Variants in NEURL1 observed in about 807,000 individuals in gnomAD.
NEURL1 encodes the protein neuralized E3 ubiquitin protein ligase 1.
In NEURL1, 26 loss-of-function variants were observed where a neutral mutation model predicts 41.2. That is an observed-to-expected ratio of 0.63 (90% CI 0.46 to 0.87). The LOEUF (loss-of-function observed/expected upper bound fraction) is 0.87. Ranked by LOEUF, NEURL1 falls within the 40% of genes least tolerant of loss-of-function variation. The pLI, the probability that NEURL1 is intolerant of heterozygous loss-of-function variation, is 0.00. For missense variants in NEURL1, 761 were observed against 871.1 expected (o/e 0.87, Z 1.59); for synonymous variants, 400 against 402.3 (o/e 0.99, Z 0.07).
chr10:103,547,677 G>T (rs966550725), intron 1 of NEURL1, among the ~76,000 whole-genome samples: 7 of 152,210 alleles, frequency 4.6e-5, no homozygotes, highest in Non-Finnish European at 1.0e-4. Context: ...GAGCCGTGGG[G>T]CTAAAGTTGT....
intron 1 of NEURL1, among the ~76,000 whole-genome samples, chr10:103,501,133 C>A (rs1185244575): frequency 6.6e-6 from 1 of 152,102 alleles, no homozygotes; most frequent in Non-Finnish European, 1.5e-5. Flanking sequence ...GTTAACAGGT[C>A]AATCTTTGAA....
chr10:103,576,273 G>A (rs181584022), intron 3 of NEURL1, among the ~76,000 whole-genome samples: 1 of 152,300 alleles, frequency 6.6e-6, no homozygotes, highest in East Asian at 1.9e-4. Flanking sequence ...ACTAAGTGAG[G>A]TGAAAAGAAT....
intron 1 of NEURL1, among the ~76,000 whole-genome samples, chr10:103,569,547 G>T (rs963675191): frequency 6.6e-6 from 1 of 152,228 alleles, no homozygotes; most frequent in East Asian, 1.9e-4. Flanking sequence ...TGTAGCCAGT[G>T]CCACTCTCTG....
intron 1 of NEURL1, among the ~76,000 whole-genome samples, chr10:103,557,378 C>T (rs898732356): frequency 2.0e-5 from 3 of 146,894 alleles, no homozygotes; most frequent in Admixed American, 6.6e-5. Flanking sequence ...GGTCATATTC[C>T]CTCCCTCTCA....
chr10:103,513,397 T>C (rs529866624), intron 1 of NEURL1, among the ~76,000 whole-genome samples: 11 of 152,194 alleles, frequency 7.2e-5, no homozygotes, highest in South Asian at 2.1e-4. Flanking sequence ...CTGGGAGGTA[T>C]TGGGGGCTTT....
In NEURL1 at chr10:103,556,002, G is replaced by C. The variant is rs2035146660; in HGVS notation, c.86-14870G>C. On this transcript the variant is annotated intron_variant, in intron 1 of 5. Coordinates refer to ENST00000369780, the MANE Select transcript of NEURL1 (RefSeq NM_004210.5). The surrounding 1 kb of genome is among the most constrained non-coding windows in gnomAD (Gnocchi z 4.4). Reference sequence around the variant, plus strand: ...CGTGGGTGTGCACCTGTGCCGGCTTGTGCCTAAGCACACGGGTGTGCAAGT... The same window carrying C: ...CGTGGGTGTGCACCTGTGCCGGCTTCTGCCTAAGCACACGGGTGTGCAAGT... Among the ~76,000 whole-genome samples the C allele has an allele frequency of 6.6e-6, 1 of 152,236 alleles. No individual in the cohort carries two copies. Among genetic ancestry groups the C allele is most frequent in the Non-Finnish European group, 1.5e-5 (1 of 68,034 alleles).
intron 1 of NEURL1, among the ~76,000 whole-genome samples, chr10:103,568,278 TGGAA>T (rs2035467172): frequency 6.6e-6 from 1 of 152,142 alleles, no homozygotes; most frequent in African/African-American, 2.4e-5. Flanking sequence ...GGGTCCTCTC[TGGAA>T]GGGAGGCCTT....
intron 1 of NEURL1, among the ~76,000 whole-genome samples, chr10:103,549,743 C>T (rs2034995658): frequency 6.6e-6 from 1 of 152,222 alleles, no homozygotes; most frequent in South Asian, 2.1e-4. Context: ...AGACCCTAGT[C>T]ACTTCCCCCT....
intron 1 of NEURL1, among the ~76,000 whole-genome samples, chr10:103,497,760 T>C (rs2033719955): frequency 6.6e-6 from 1 of 152,160 alleles, no homozygotes; most frequent in Non-Finnish European, 1.5e-5. Flanking sequence ...AGCTCCCATG[T>C]GCCCAGCTCA....
intron 1 of NEURL1, among the ~76,000 whole-genome samples, chr10:103,524,931 C>T (rs2034430668): frequency 6.6e-6 from 1 of 151,922 alleles, no homozygotes; most frequent in Non-Finnish European, 1.5e-5. Flanking sequence ...GGGGTGGGGT[C>T]CATAGAATTT....
intron 1 of NEURL1, among the ~76,000 whole-genome samples, chr10:103,567,184 G>C (rs1011624652): frequency 6.6e-5 from 10 of 151,700 alleles, no homozygotes; most frequent in African/African-American, 2.4e-4. Context: ...GGGTTTCACC[G>C]TGTTGGCCAG....
Position 103,558,304 on chromosome 10 carries a change from C to T in NEURL1, c.86-12568C>T, listed in dbSNP as rs2133870980. 2.1e-6 allele frequency: 2 copies of T among 954,646 alleles called. No homozygotes were observed. Among genetic ancestry groups the T allele is most frequent in the Non-Finnish European group, 2.5e-6 (2 of 802,044 alleles). 59.1% of individuals were successfully genotyped at this position (954,646 alleles called of 1,614,324 possible). A position where few individuals can be genotyped will look rare whatever the true frequency, so the allele number is the denominator to read the frequency against. On this transcript the variant is annotated intron_variant, in intron 1 of 5. Coordinates refer to ENST00000369780, the MANE Select transcript of NEURL1 (RefSeq NM_004210.5). This position sits in a 1 kb window ranked among gnomAD's most constrained non-coding sequence, Gnocchi z 4.2. Reference sequence around the variant, plus strand: ...AGGACTCTGTATGTGTGTCGGGGGTCATCTAATTGTGTGTTTTGTTTGTGG... The same window carrying T: ...AGGACTCTGTATGTGTGTCGGGGGTTATCTAATTGTGTGTTTTGTTTGTGG...
Position 103,584,669 on chromosome 10 carries a change from C to T in NEURL1, c.783C>T (p.Asp261=), listed in dbSNP as rs1391746965. 4 of 1,427,424 alleles carry T rather than the reference C, an allele frequency of 2.8e-6. No individual in the cohort carries two copies. Among genetic ancestry groups the T allele is most frequent in the African/African-American group, 1.5e-5 (1 of 66,898 alleles). 88.4% of individuals were successfully genotyped at this position (1,427,424 alleles called of 1,614,324 possible). ...SLCDLNVPGA[D]GDEAAPAAGC... Reference sequence around the variant, plus strand: ...GCGACCTCAACGTGCCGGGCGCGGACGGCGACGAGGCCGCGCCGGCCGCCG... The same window carrying T: ...GCGACCTCAACGTGCCGGGCGCGGATGGCGACGAGGCCGCGCCGGCCGCCG... Residue 261 remains aspartate, a synonymous_variant, in exon 4 of 6, where the codon GAC becomes GAT. Transcript: ENST00000369780.
At chr10:103,548,388 T>G (rs1162203202) in intron 1 of NEURL1, among the ~76,000 whole-genome samples, 1 of 152,160 alleles carries the variant, frequency 6.6e-6, no homozygotes, top group Non-Finnish European at 1.5e-5. Context: ...AATGGCACAA[T>G]CTCGGCTCAC....
intron 4 of NEURL1, among the ~76,000 whole-genome samples, chr10:103,585,700 G>T (rs1157321377): frequency 6.6e-6 from 1 of 152,112 alleles, no homozygotes; most frequent in Non-Finnish European, 1.5e-5. Context: ...GGGGCATGGT[G>T]GTGGGCGCCT....
At chr10:103,555,506 T>C in intron 1 of NEURL1, 1 of 1,107,932 alleles carries the variant, frequency 9.0e-7, no homozygotes, top group South Asian at 1.4e-5. Flanking sequence ...GAGGGCTTGG[T>C]CATGCCCCTA....
chr10:103,497,077 G>T (rs114686659), intron 1 of NEURL1, among the ~76,000 whole-genome samples: 66 of 152,286 alleles, frequency 4.3e-4, no homozygotes, highest in African/African-American at 1.5e-3. Context: ...TGTTGGCTCT[G>T]TCCTTCACCC....
chr10:103,579,195 G>A (rs557769398), intron 3 of NEURL1, among the ~76,000 whole-genome samples: 6 of 152,246 alleles, frequency 3.9e-5, no homozygotes, highest in Admixed American at 3.9e-4. Flanking sequence ...GTCTCCTCCC[G>A]CTCCCACTCC....
chr10:103,548,821 C>T (rs2034977979), intron 1 of NEURL1, among the ~76,000 whole-genome samples: 1 of 152,174 alleles, frequency 6.6e-6, no homozygotes, highest in African/African-American at 2.4e-5. Flanking sequence ...GCCATGTGAT[C>T]TCCACCATGG....
Sources: allele counts gnomAD v4.1 joint callset (sites outside exome capture counted in the v4.1 genomes callset), GRCh38; gene constraint gnomAD v4.1.1; non-coding constraint Gnocchi (gnomAD v3.1); transcripts MANE v1.5; gene names NCBI Gene and HGNC (gene_info 2026-07-23, HGNC 2026-07-21).